Variants in SIPA1L2 observed in about 807,000 individuals in gnomAD.
SIPA1L2 encodes signal-induced proliferation-associated 1-like protein 2.
SIPA1L2 carries 56 observed loss-of-function variants against 163.9 expected under a neutral mutation model. That is an observed-to-expected ratio of 0.34 (90% CI 0.28 to 0.43). The LOEUF (loss-of-function observed/expected upper bound fraction) is 0.43, where lower values mean the gene tolerates loss of function less well. Among genes scored for constraint, SIPA1L2 ranks in the 20% least tolerant of loss-of-function variants. SIPA1L2 has a pLI of 1.00. For missense variants in SIPA1L2, 1,974 were observed against 2,193.5 expected, an observed-to-expected ratio of 0.90 and a Z score of 2.00; for synonymous variants, 877 against 865.7, an observed-to-expected ratio of 1.01 and a Z score of -0.23.
intron 10 of SIPA1L2, among the ~76,000 whole-genome samples, chr1:232,451,008 T>C (rs1326720551): frequency 1.3e-5 from 2 of 152,196 alleles, no homozygotes; most frequent in Non-Finnish European, 2.9e-5. Flanking sequence ...TAATAAAAAT[T>C]AGCTATTCTC....
At chr1:232,460,773 G>A (rs570578584) in intron 10 of SIPA1L2, 114 bp downstream of exon 10, 1 of 1,300,114 alleles carries the variant, frequency 7.7e-7, no homozygotes, top group East Asian at 2.5e-5. Context: ...CCAGAACACT[G>A]TACAAAGACA....
rs1175831827 is a variant in SIPA1L2 at position 232,572,670 on chromosome 1, TATATATACACACACATATACATAC to T, written c.-270+1480_-270+1503del. ...ATGTTTATCGTCAAATACATATATA[TATATATACACACACATATACATAC>T]ATATATATATATATATATATATACA... On this transcript the variant is annotated intron_variant, in intron 2 of 22. Coordinates refer to ENST00000674635, the MANE Select transcript of SIPA1L2 (RefSeq NM_020808.5). 4.8e-4 allele frequency among the ~76,000 whole-genome samples: 54 copies of T among 112,224 alleles called. 1 individual carries two copies. Among genetic ancestry groups the T allele is most frequent in the African/African-American group, 1.8e-3 (53 of 29,506 alleles). The allele number at this position is 112,224 out of a possible 152,430, so 73.6% of individuals were successfully genotyped here.
intron 15 of SIPA1L2, among the ~76,000 whole-genome samples, chr1:232,435,865 T>G (rs542342362): frequency 6.6e-6 from 1 of 152,312 alleles, no homozygotes; most frequent in South Asian, 2.1e-4. Flanking sequence ...TAACTTGTCT[T>G]GAAGAGTTGT....
intron 3 of SIPA1L2, among the ~76,000 whole-genome samples, chr1:232,509,740 C>T (rs1007781195): frequency 6.6e-6 from 1 of 152,182 alleles, no homozygotes; most frequent in African/African-American, 2.4e-5. Flanking sequence ...AATGGCTCAA[C>T]AAGAGACCAG....
At position 232,465,618 on chromosome 1, in the gene SIPA1L2, G is replaced by T. The variant is rs2102931278; in HGVS notation, c.2244-202C>A. On this transcript the variant is annotated intron_variant, in intron 8 of 22. Transcript: ENST00000674635. The surrounding 1 kb of genome is among the most constrained non-coding windows in gnomAD (Gnocchi z 4.1). ...GTTCTCCTAATTGCTGCATACCCAGGGTTTGTTGTTATTGTTGTTTAAGCA... is the reference window on the plus strand; with the variant it reads ...GTTCTCCTAATTGCTGCATACCCAGTGTTTGTTGTTATTGTTGTTTAAGCA... Among the ~76,000 whole-genome samples the T allele has an allele frequency of 6.6e-6, 1 of 151,956 alleles. No individual in the cohort carries two copies. The highest frequency in any genetic ancestry group is 3.4e-3 in the Middle Eastern group (1 of 294).
chr1:232,402,547 G>A (rs934158727), intron 21 of SIPA1L2, 74 bp from the exon 22 acceptor site: 16 of 1,308,260 alleles, frequency 1.2e-5, no homozygotes, highest in African/African-American at 4.4e-5. Flanking sequence ...GTTTTCACTC[G>A]AAAAAATTAT....
intron 8 of SIPA1L2, among the ~76,000 whole-genome samples, chr1:232,467,773 T>C (rs1664598933): frequency 1.3e-5 from 2 of 152,268 alleles, no homozygotes; most frequent in African/African-American, 2.4e-5. Context: ...GCATTAACTC[T>C]GTAGATCTCA....
intron 22 of SIPA1L2, among the ~76,000 whole-genome samples, chr1:232,401,945 C>T (rs1398648531): frequency 6.6e-6 from 1 of 152,194 alleles, no homozygotes; most frequent in African/African-American, 2.4e-5. Context: ...CTTTTGAGGA[C>T]AGACCATGTG....
chr1:232,403,452 T>C lies in SIPA1L2; in HGVS notation c.4936A>G (p.Thr1646Ala), dbSNP rs200678211. Residue 1646 changes from threonine to alanine, a missense_variant, in exon 21 of 23, where the codon ACT (threonine) becomes GCT (alanine). Physicochemically the swap from Thr to Ala is moderately conservative, Grantham distance 58. Coordinates refer to ENST00000674635, the MANE Select transcript of SIPA1L2 (RefSeq NM_020808.5). ...GGTCCACAGGGGCTCACATACCCAGTTGTGTCCATGAACTCTTTGCCACTG... is the reference window on the plus strand; with the variant it reads ...GGTCCACAGGGGCTCACATACCCAGCTGTGTCCATGAACTCTTTGCCACTG... ...PGSGKEFMDT[T>A]GERSPSPLTG... is the part of the protein sequence containing the mutation. 6.2e-6 allele frequency: 10 copies of C among 1,613,306 alleles called. No individual in the cohort carries two copies. In the African/African-American group the frequency reaches 1.1e-4, roughly 17 times the overall value.
intron 3 of SIPA1L2, among the ~76,000 whole-genome samples, chr1:232,501,039 A>T (rs1311833491): frequency 1.6e-5 from 2 of 123,870 alleles, no homozygotes; most frequent in Non-Finnish European, 3.6e-5. Flanking sequence ...AGCACTTTTT[A>T]GCAATGAAGT....
intron 1 of SIPA1L2, among the ~76,000 whole-genome samples, chr1:232,611,612 T>C (rs1662240112): frequency 6.6e-6 from 1 of 152,140 alleles, no homozygotes; most frequent in Admixed American, 6.6e-5. Flanking sequence ...CCCTAGAGAT[T>C]TGTGGAACTT....
At chr1:232,551,609 G>C (rs529765715) in intron 2 of SIPA1L2, among the ~76,000 whole-genome samples, 1 of 152,338 alleles carries the variant, frequency 6.6e-6, no homozygotes, top group South Asian at 2.1e-4. Context: ...TGAGAAGAAG[G>C]CCTGGAAAGA....
chr1:232,401,544 C>G (rs1660341544), intron 22 of SIPA1L2, among the ~76,000 whole-genome samples: 1 of 152,188 alleles, frequency 6.6e-6, no homozygotes, highest in Non-Finnish European at 1.5e-5. Context: ...TGTCTGGACC[C>G]TGTGTATGTG....
intron 18 of SIPA1L2, among the ~76,000 whole-genome samples, chr1:232,421,734 T>C (rs1451779825): frequency 1.3e-5 from 2 of 152,202 alleles, no homozygotes; most frequent in African/African-American, 4.8e-5. Context: ...AGTATTACAT[T>C]ATAACTAAAA....
intron 1 of SIPA1L2, among the ~76,000 whole-genome samples, chr1:232,621,329 G>C (rs181643332): frequency 6.6e-6 from 1 of 152,018 alleles, no homozygotes; most frequent in South Asian, 2.1e-4. Context: ...CGGTAATTCC[G>C]CCATTCTTAT....
intron 21 of SIPA1L2, among the ~76,000 whole-genome samples, chr1:232,403,098 C>T (rs1218419350): frequency 3.9e-5 from 6 of 152,302 alleles, no homozygotes; most frequent in Admixed American, 6.5e-5. Context: ...GGCCAATCGG[C>T]GAGTTATCCC....
intron 2 of SIPA1L2, among the ~76,000 whole-genome samples, chr1:232,522,423 T>C (rs1667497407): frequency 6.6e-6 from 1 of 151,930 alleles, no homozygotes; most frequent in South Asian, 2.1e-4. Context: ...CCATCACACC[T>C]CAGTTCACGT....
At chr1:232,522,347 C>T (rs1667494006) in intron 2 of SIPA1L2, among the ~76,000 whole-genome samples, 1 of 152,120 alleles carries the variant, frequency 6.6e-6, no homozygotes, top group Admixed American at 6.5e-5. Flanking sequence ...ATCCTTTGTA[C>T]ATGCACTACC....
At position 232,601,843 on chromosome 1, in the gene SIPA1L2, C is replaced by T. The variant is rs1661610257; in HGVS notation, c.-318-27621G>A. On this transcript the variant is annotated intron_variant, in intron 1 of 22. Transcript: ENST00000674635. ...TTGTAAAAGGTATATCAAACTAAGT[C>T]AATCTTCATATTATTTTCATCTCAT... is the stretch of plus-strand genomic sequence containing the variant. 2.0e-5 allele frequency among the ~76,000 whole-genome samples: 3 copies of T among 152,140 alleles called. No homozygotes were observed. The South Asian group carries it at 6.2e-4, about 32-fold the overall frequency.
Sources: gnomAD v4.1 joint callset for allele counts (sites outside exome capture counted in the v4.1 genomes callset) on GRCh38, gnomAD v4.1.1 for gene constraint, Gnocchi (gnomAD v3.1) non-coding constraint, MANE v1.5 for transcripts, NCBI Gene and HGNC (gene_info 2026-07-23, HGNC 2026-07-21) for gene names.